KCNH1: variants seen among roughly 807,000 people sequenced by gnomAD.
The protein encoded by KCNH1 is potassium voltage-gated channel subfamily H member 1.
In KCNH1, 27 loss-of-function variants were observed where a neutral mutation model predicts 69.2. That is an observed-to-expected ratio of 0.39 (90% CI 0.29 to 0.54). The LOEUF is 0.54. KCNH1 is among the 20% of genes least tolerant of loss of function. The pLI, the probability that KCNH1 is intolerant of heterozygous loss-of-function variation, is 0.68. For synonymous variants in KCNH1, 456 were observed against 487.7 expected (o/e 0.93, Z 0.86); for missense variants, 798 against 1,261.6 (o/e 0.63, Z 5.57).
chr1:210,751,416 T>C (rs1399509306), intron 10 of KCNH1, among the ~76,000 whole-genome samples: 1 of 152,192 alleles, frequency 6.6e-6, no homozygotes, highest in African/African-American at 2.4e-5. Context: ...AGCCTGGACA[T>C]AAAATTCAAT....
chr1:211,060,543 A>AGG (rs1690417211), intron 5 of KCNH1, among the ~76,000 whole-genome samples: 1 of 151,728 alleles, frequency 6.6e-6, no homozygotes, highest in Non-Finnish European at 1.5e-5. Context: ...ATGAAATAAA[A>AGG]GCTGGTTTTT....
chr1:210,812,410 G>A (rs1156236907), intron 7 of KCNH1, among the ~76,000 whole-genome samples: 2 of 152,188 alleles, frequency 1.3e-5, no homozygotes. Context: ...TGAGAAAGCA[G>A]AAGCCCTTTC....
rs552584075 is a variant in KCNH1 at position 211,110,771 on chromosome 1, ATATAAT to A, written c.80-3400_80-3395del. Among the ~76,000 whole-genome samples the A allele has an allele frequency of 3.3e-3, 510 of 152,296 alleles. 5 individuals carry two copies. Among genetic ancestry groups the A allele is most frequent in the African/African-American group, 0.011 (468 of 41,570 alleles). ...AGTTGCAAAGATAAATAAGAGAGTA[ATATAAT>A]TATATTAGGAGGAGGGGTAGGGAGT... is the stretch of plus-strand genomic sequence containing the variant. On this transcript the variant is annotated intron_variant, in intron 1 of 10. Coordinates refer to ENST00000271751, the MANE Select transcript of KCNH1 (RefSeq NM_172362.3).
chr1:210,999,729 C>G (rs1023344880), intron 6 of KCNH1, among the ~76,000 whole-genome samples: 7 of 152,156 alleles, frequency 4.6e-5, no homozygotes, highest in African/African-American at 1.7e-4. Flanking sequence ...AATTTTAGAC[C>G]AATATCCTTG....
intron 1 of KCNH1, among the ~76,000 whole-genome samples, chr1:211,114,633 T>G (rs562747243): frequency 6.6e-6 from 1 of 152,248 alleles, no homozygotes; most frequent in African/African-American, 2.4e-5. Flanking sequence ...TTCCCCCAGG[T>G]GGTTGGCCAT....
intron 7 of KCNH1, among the ~76,000 whole-genome samples, chr1:210,887,656 T>A (rs151283270): frequency 0.019 from 2,821 of 144,884 alleles, 90 homozygotes; most frequent in African/African-American, 0.068. Flanking sequence ...ACTCATCTCA[T>A]GTGCAAAGAT....
chr1:211,049,553 G>A (rs987093877), intron 5 of KCNH1, among the ~76,000 whole-genome samples: 1 of 152,204 alleles, frequency 6.6e-6, no homozygotes, highest in African/African-American at 2.4e-5. Context: ...GCTGAATTAA[G>A]GGAGAGCAGG....
intron 6 of KCNH1, among the ~76,000 whole-genome samples, chr1:210,997,050 C>A (rs1364277187): frequency 6.6e-6 from 1 of 152,134 alleles, no homozygotes; most frequent in Non-Finnish European, 1.5e-5. Flanking sequence ...GATAAAACCA[C>A]AAATATGGGG....
At chr1:210,843,971 T>C (rs905764022) in intron 7 of KCNH1, among the ~76,000 whole-genome samples, 2 of 152,104 alleles carry the variant, frequency 1.3e-5, no homozygotes, top group African/African-American at 4.8e-5. Flanking sequence ...AACTAATAAT[T>C]TTTTCCCAAA....
At chr1:210,938,786 A>G (rs1687827581) in intron 6 of KCNH1, among the ~76,000 whole-genome samples, 2 of 152,238 alleles carry the variant, frequency 1.3e-5, no homozygotes, top group South Asian at 4.1e-4. Flanking sequence ...TTATTAAAAA[A>G]TTATCACTGT....
chr1:210,849,012 A>T (rs1388239632), intron 7 of KCNH1, among the ~76,000 whole-genome samples: 2 of 152,214 alleles, frequency 1.3e-5, no homozygotes, highest in Admixed American at 6.5e-5. Context: ...AGAAAAAAAG[A>T]TTAAGTAGTA....
At chr1:210,815,344 G>C (rs1684790927) in intron 7 of KCNH1, among the ~76,000 whole-genome samples, 1 of 152,126 alleles carries the variant, frequency 6.6e-6, no homozygotes, top group Non-Finnish European at 1.5e-5. Flanking sequence ...GAATGCATAA[G>C]GAGACTCTGA....
chr1:210,683,191 ATTG>A lies in KCNH1; in HGVS notation c.*87_*89del. On this transcript the variant is annotated 3_prime_UTR_variant, in exon 11 of 11. Coordinates refer to ENST00000271751, the MANE Select transcript of KCNH1 (RefSeq NM_172362.3). This position sits in a 1 kb window ranked among gnomAD's most constrained non-coding sequence, Gnocchi z 5.7. The stretch of plus-strand genomic sequence containing the variant: ...TCTGTTAGGAAAAGCCTACTTGAAA[ATTG>A]TTGGTCATGTGGACATATGTGGTAG... 1 of 1,265,008 alleles carries A rather than the reference ATTG, an allele frequency of 7.9e-7. No individual in the cohort carries two copies. Among genetic ancestry groups the A allele is most frequent in the Non-Finnish European group, 1.1e-6 (1 of 914,260 alleles). 78.4% of individuals were successfully genotyped at this position (1,265,008 alleles called of 1,614,324 possible).
intron 6 of KCNH1, among the ~76,000 whole-genome samples, 186 bp downstream of exon 6, chr1:211,018,597 T>C (rs1011971568): frequency 2.6e-5 from 4 of 152,174 alleles, no homozygotes; most frequent in African/African-American, 9.7e-5. Context: ...CCATTCACTG[T>C]CATGCAGGGC....
chr1:211,006,568 G>A (rs972646746), intron 6 of KCNH1, among the ~76,000 whole-genome samples: 3 of 147,902 alleles, frequency 2.0e-5, no homozygotes, highest in African/African-American at 5.4e-5. Flanking sequence ...TAGGAACGAT[G>A]AGGGATGTCT....
chr1:210,736,701 G>A (rs1682888688), intron 10 of KCNH1, among the ~76,000 whole-genome samples: 1 of 152,154 alleles, frequency 6.6e-6, no homozygotes, highest in Admixed American at 6.6e-5. Context: ...ATAATCCTGA[G>A]CATCTAAATA....
At chr1:210,964,256 C>G (rs1688353347) in intron 6 of KCNH1, among the ~76,000 whole-genome samples, 1 of 152,138 alleles carries the variant, frequency 6.6e-6, no homozygotes, top group Non-Finnish European at 1.5e-5. Context: ...TTGTCACCAC[C>G]AGGCCTGCCT....
intron 6 of KCNH1, among the ~76,000 whole-genome samples, chr1:211,000,715 A>G (rs1689159707): frequency 1.3e-5 from 2 of 152,204 alleles, no homozygotes; most frequent in Non-Finnish European, 2.9e-5. Context: ...GTCAATCCTA[A>G]GGCAAAAGAA....
At chr1:210,971,964 T>C (rs1393585951) in intron 6 of KCNH1, among the ~76,000 whole-genome samples, 1 of 152,064 alleles carries the variant, frequency 6.6e-6, no homozygotes, top group Non-Finnish European at 1.5e-5. Flanking sequence ...TAACATGCAG[T>C]AGTTACCCCT....
Sources: gnomAD v4.1 joint callset for allele counts (sites outside exome capture counted in the v4.1 genomes callset) on GRCh38, gnomAD v4.1.1 for gene constraint, Gnocchi (gnomAD v3.1) non-coding constraint, MANE v1.5 for transcripts, NCBI Gene and HGNC (gene_info 2026-07-23, HGNC 2026-07-21) for gene names.